The following DNAJC1 variants were observed in gnomAD, a reference collection of about 807,000 sequenced individuals.
The protein encoded by DNAJC1 is dnaJ homolog subfamily C member 1.
Under a neutral mutation model 76.6 loss-of-function variants are expected in DNAJC1, and 58 were observed. The observed-to-expected ratio is 0.76, with a 90% confidence interval of 0.61 to 0.94. The LOEUF is 0.94. Among genes scored for constraint, DNAJC1 ranks in the 40% least tolerant of loss-of-function variants. The probability of loss-of-function intolerance (pLI) is 0.00; values close to 1 mark genes in which losing one functional copy is unlikely to be tolerated. For synonymous variants in DNAJC1, 258 were observed against 267.9 expected, an observed-to-expected ratio of 0.96 and a Z score of 0.36; for missense variants, 689 against 677.3, an observed-to-expected ratio of 1.02 and a Z score of -0.19.
chr10:21,902,003 T>C (rs964640476), intron 7 of DNAJC1, among the ~76,000 whole-genome samples: 12 of 152,216 alleles, frequency 7.9e-5, no homozygotes, highest in African/African-American at 2.9e-4. Context: ...GAGACTATAT[T>C]AAAAAATACA....
In DNAJC1 at chr10:21,759,388, C is replaced by G. The variant is rs1834214266; in HGVS notation, c.1378G>C (p.Glu460Gln). Reference protein sequence around the residue: ...LLEATAKPEPEEKSRAKRQKD... With the variant: ...LLEATAKPEPQEKSRAKRQKD... ...TGCCGCTTGGCTCTGGACTTCTCCT[C>G]TGGCTCCGGCTTCGCTGTAGCCTCC... The change falls in exon 11 of 12, where the codon GAG (glutamate) becomes CAG (glutamine). Residue 460 changes from glutamate to glutamine, a missense_variant. Transcript: ENST00000376980. The G allele has an allele frequency of 2.5e-6, 4 of 1,614,232 alleles. No homozygotes were observed. The highest frequency in any genetic ancestry group is 3.4e-6 in the Non-Finnish European group (4 of 1,180,048).
chr10:21,806,168 AAAAG>A, intron 8 of DNAJC1, 69 bp from the exon 9 acceptor site: 2 of 1,508,084 alleles, frequency 1.3e-6, no homozygotes, highest in Non-Finnish European at 1.8e-6. Context: ...GAAGAATAAA[AAAAG>A]ATAATTGAGA....
chr10:21,948,808 G>C (rs1837548369), intron 1 of DNAJC1, among the ~76,000 whole-genome samples: 1 of 152,086 alleles, frequency 6.6e-6, no homozygotes, highest in Admixed American at 6.5e-5. Flanking sequence ...ACCCAGTTAA[G>C]GTTCAAAAAA....
intron 1 of DNAJC1, among the ~76,000 whole-genome samples, chr10:21,934,218 T>TA (rs568770649): frequency 2.4e-3 from 337 of 138,336 alleles, no homozygotes; most frequent in African/African-American, 4.1e-3. Context: ...GTTTAAAAAG[T>TA]AAAAAAAAAA....
At chr10:21,896,820 T>A (rs1248227803) in intron 7 of DNAJC1, among the ~76,000 whole-genome samples, 1 of 152,164 alleles carries the variant, frequency 6.6e-6, no homozygotes, top group Non-Finnish European at 1.5e-5. Context: ...AATGCAATAG[T>A]ATTAAGAGGA....
intron 1 of DNAJC1, among the ~76,000 whole-genome samples, chr10:21,998,687 T>G (rs1838462419): frequency 6.6e-6 from 1 of 152,090 alleles, no homozygotes; most frequent in Non-Finnish European, 1.5e-5. Flanking sequence ...AACAAAGACT[T>G]CTGCAACCCC....
At chr10:21,778,391 T>C (rs1456002679) in intron 9 of DNAJC1, among the ~76,000 whole-genome samples, 1 of 152,186 alleles carries the variant, frequency 6.6e-6, no homozygotes, top group Non-Finnish European at 1.5e-5. Context: ...AGTTCAAATA[T>C]CGTGTGGGTC....
chr10:21,812,024 C>A (rs879279738), intron 8 of DNAJC1, among the ~76,000 whole-genome samples: 1 of 151,148 alleles, frequency 6.6e-6, no homozygotes, highest in Non-Finnish European at 1.5e-5. Context: ...ATATATCTTA[C>A]TGTGGTAATA....
At chr10:21,932,913 A>G (rs1341827044) in intron 1 of DNAJC1, among the ~76,000 whole-genome samples, 1 of 152,148 alleles carries the variant, frequency 6.6e-6, no homozygotes, top group Non-Finnish European at 1.5e-5. Flanking sequence ...AGGCAAATGT[A>G]TTAGCCAGTG....
At chr10:21,919,772 C>A in intron 5 of DNAJC1, 60 bp downstream of exon 5, 1 of 1,160,898 alleles carries the variant, frequency 8.6e-7, no homozygotes, top group Non-Finnish European at 1.2e-6. Flanking sequence ...GAAGTTGAAT[C>A]ATATTAAAGA....
chr10:21,992,198 T>G (rs1235720239), intron 1 of DNAJC1, among the ~76,000 whole-genome samples: 1 of 152,074 alleles, frequency 6.6e-6, no homozygotes, highest in African/African-American at 2.4e-5. Context: ...GTAGTCCCAG[T>G]TACTTGGGAG....
At chr10:21,950,659 A>G (rs1431901658) in intron 1 of DNAJC1, among the ~76,000 whole-genome samples, 1 of 152,222 alleles carries the variant, frequency 6.6e-6, no homozygotes. Context: ...CCAAACAGGC[A>G]AGTATGAATG....
intron 8 of DNAJC1, among the ~76,000 whole-genome samples, chr10:21,871,340 GAAA>G (rs755212716): frequency 1.0e-5 from 1 of 98,934 alleles, no homozygotes; most frequent in Non-Finnish European, 2.1e-5. Flanking sequence ...TAGAAGCGGG[GAAA>G]AAAAAAAAAA....
At chr10:21,998,523 G>C (rs915142689) in intron 1 of DNAJC1, among the ~76,000 whole-genome samples, 6 of 151,784 alleles carry the variant, frequency 4.0e-5, no homozygotes, top group African/African-American at 1.5e-4. Context: ...GGTAACGAAA[G>C]ATCTTTCAAT....
intron 1 of DNAJC1, among the ~76,000 whole-genome samples, chr10:21,963,485 T>C (rs1161474121): frequency 2.6e-5 from 4 of 152,218 alleles, no homozygotes; most frequent in Non-Finnish European, 5.9e-5. Flanking sequence ...AGAATAAAGC[T>C]GAAGGTTTGA....
intron 1 of DNAJC1, among the ~76,000 whole-genome samples, chr10:21,967,225 G>T (rs942098938): frequency 6.6e-5 from 10 of 151,968 alleles, no homozygotes; most frequent in African/African-American, 2.2e-4. Context: ...ATACCCAACT[G>T]CAGGCAAACA....
At chr10:21,912,907 G>A (rs1468814010) in intron 6 of DNAJC1, among the ~76,000 whole-genome samples, 1 of 151,978 alleles carries the variant, frequency 6.6e-6, no homozygotes, top group Non-Finnish European at 1.5e-5. Context: ...CTCCATGGGA[G>A]AAGCAGCTTC....
At chr10:21,766,358 T>G (rs769334164) in intron 9 of DNAJC1, 49 bp from the exon 10 acceptor site, 12 of 1,420,022 alleles carry the variant, frequency 8.5e-6, no homozygotes, top group Non-Finnish European at 1.1e-5. Context: ...GTACCTACTA[T>G]ATGCTGAGTG....
At chr10:21,947,825 T>C (rs1044392272) in intron 1 of DNAJC1, among the ~76,000 whole-genome samples, 2 of 152,192 alleles carry the variant, frequency 1.3e-5, no homozygotes, top group Non-Finnish European at 2.9e-5. Context: ...TTCCTGATCA[T>C]TATCCCTCAG....
Sources: gnomAD v4.1 joint callset for allele counts (sites outside exome capture counted in the v4.1 genomes callset) on GRCh38, gnomAD v4.1.1 for gene constraint, MANE v1.5 for transcripts, NCBI Gene and HGNC (gene_info 2026-07-23, HGNC 2026-07-21) for gene names.